CACNA1D: variants seen among roughly 807,000 people sequenced by gnomAD.
The protein encoded by CACNA1D is voltage-dependent L-type calcium channel subunit alpha-1D.
CACNA1D carries 55 observed loss-of-function variants against 257.1 expected under a neutral mutation model. That is an observed-to-expected ratio of 0.21 (90% CI 0.17 to 0.27). The LOEUF (loss-of-function observed/expected upper bound fraction) is 0.27. CACNA1D is among the 10% of genes least tolerant of loss of function. CACNA1D has a pLI of 1.00. For synonymous variants in CACNA1D, 980 were observed against 1,014.9 expected (o/e 0.97, Z 0.65); for missense variants, 1,876 against 2,784.0 (o/e 0.67, Z 7.34).
At chr3:53,658,192 CT>C (rs113734297) in intron 4 of CACNA1D, among the ~76,000 whole-genome samples, 158 of 145,466 alleles carry the variant, frequency 1.1e-3, no homozygotes, top group Middle Eastern at 3.5e-3. Context: ...GCCCGTGGCA[CT>C]TTTTTTTTTT....
chr3:53,626,153 T>A (rs1363042305), intron 3 of CACNA1D, among the ~76,000 whole-genome samples: 2 of 152,184 alleles, frequency 1.3e-5, no homozygotes, highest in African/African-American at 2.4e-5. Flanking sequence ...CAGAGGTGAT[T>A]CCGATTCTGG....
intron 39 of CACNA1D, among the ~76,000 whole-genome samples, chr3:53,783,968 GA>G (rs2095439604): frequency 6.6e-6 from 1 of 152,194 alleles, no homozygotes; most frequent in Non-Finnish European, 1.5e-5. Flanking sequence ...GGGTGCTCAG[GA>G]AGCCCCTTTT....
intron 3 of CACNA1D, among the ~76,000 whole-genome samples, chr3:53,632,821 A>G (rs1463664274): frequency 6.6e-6 from 1 of 152,260 alleles, no homozygotes; most frequent in Non-Finnish European, 1.5e-5. Flanking sequence ...TTTTGTTCAC[A>G]GTCTTCTATG....
chr3:53,558,826 G>T (rs1172457130), intron 3 of CACNA1D, among the ~76,000 whole-genome samples: 1 of 152,030 alleles, frequency 6.6e-6, no homozygotes, highest in Non-Finnish European at 1.5e-5. Context: ...ATTTGTTTAT[G>T]ATCTTTCTAG....
chr3:53,675,768 AT>A (rs2094369436), intron 8 of CACNA1D, among the ~76,000 whole-genome samples: 1 of 152,150 alleles, frequency 6.6e-6, no homozygotes, highest in South Asian at 2.1e-4. Context: ...TTTAAAAAAT[AT>A]TTTTTCATCA....
intron 3 of CACNA1D, among the ~76,000 whole-genome samples, chr3:53,505,196 C>T (rs1161756225): frequency 1.3e-5 from 2 of 149,966 alleles, no homozygotes; most frequent in Non-Finnish European, 3.0e-5. Flanking sequence ...GCAAGCTCCG[C>T]CTCTGGGGTT....
Position 53,495,027 on chromosome 3 carries a change from T to G in CACNA1D, c.-140T>G. 1 of 450,744 alleles carries G rather than the reference T, an allele frequency of 2.2e-6. No homozygotes were observed. Among genetic ancestry groups the G allele is most frequent in the Non-Finnish European group, 4.6e-6 (1 of 217,486 alleles). The allele number at this position is 450,744 out of a possible 1,614,324, so 27.9% of individuals were successfully genotyped here. ...ATTTTCTGTTATTTGTCCCCGTCCCTCCCCACCCCCCTGCTGAAGCGAGAA... is the reference window on the plus strand; with the variant it reads ...ATTTTCTGTTATTTGTCCCCGTCCCGCCCCACCCCCCTGCTGAAGCGAGAA... On this transcript the variant is annotated 5_prime_UTR_variant, in exon 1 of 48. Transcript: ENST00000350061. The surrounding 1 kb of genome is among the most constrained non-coding windows in gnomAD (Gnocchi z 5.1).
intron 3 of CACNA1D, among the ~76,000 whole-genome samples, chr3:53,616,801 T>C (rs1460416646): frequency 6.6e-6 from 1 of 152,114 alleles, no homozygotes; most frequent in African/African-American, 2.4e-5. Context: ...TTTTCTTTTT[T>C]TTTTTAAATG....
At chr3:53,558,334 C>G (rs1399366709) in intron 3 of CACNA1D, among the ~76,000 whole-genome samples, 1 of 152,016 alleles carries the variant, frequency 6.6e-6, no homozygotes, top group Admixed American at 6.6e-5. Context: ...GATGTGAATT[C>G]TTTTTTTGAA....
At chr3:53,638,812 C>A (rs552443788) in intron 3 of CACNA1D, among the ~76,000 whole-genome samples, 1 of 152,202 alleles carries the variant, frequency 6.6e-6, no homozygotes, top group Non-Finnish European at 1.5e-5. Flanking sequence ...CAGATACACT[C>A]CCAACAGCTG....
At chr3:53,575,752 T>C (rs1368374368) in intron 3 of CACNA1D, among the ~76,000 whole-genome samples, 1 of 152,204 alleles carries the variant, frequency 6.6e-6, no homozygotes, top group Non-Finnish European at 1.5e-5. Context: ...GTCGTGTCCG[T>C]TTAAAAAAAT....
intron 3 of CACNA1D, among the ~76,000 whole-genome samples, chr3:53,508,529 G>A (rs907610892): frequency 2.0e-5 from 3 of 152,102 alleles, no homozygotes; most frequent in African/African-American, 7.2e-5. Context: ...CTCTGTGTTC[G>A]TAAGTTCTTA....
At chr3:53,777,981 T>G (rs1294399941) in intron 37 of CACNA1D, among the ~76,000 whole-genome samples, 2 of 152,220 alleles carry the variant, frequency 1.3e-5, no homozygotes, top group African/African-American at 2.4e-5. Context: ...AAGGAGATCC[T>G]GGGGTCAGGC....
intron 3 of CACNA1D, among the ~76,000 whole-genome samples, chr3:53,510,655 C>G: frequency 6.6e-6 from 1 of 152,180 alleles, no homozygotes; most frequent in South Asian, 2.1e-4. Flanking sequence ...TTCACTAAGC[C>G]TGTACTCTTT....
rs2095474144 is a variant in CACNA1D, at chr3:53,789,713, G to A, written c.4923+2761G>A. On this transcript the variant is annotated intron_variant, in intron 40 of 47. Transcript: ENST00000350061. This position sits in a 1 kb window ranked among gnomAD's most constrained non-coding sequence, Gnocchi z 4.2. ...CGTCGCAGTGTGAGCGCAGAAGTGCGGACCTAGGCATGTGCGTGCTTGTGC... is the reference window on the plus strand; with the variant it reads ...CGTCGCAGTGTGAGCGCAGAAGTGCAGACCTAGGCATGTGCGTGCTTGTGC... Among the ~76,000 whole-genome samples the A allele has an allele frequency of 6.6e-6, 1 of 152,248 alleles. No individual in the cohort carries two copies. Among genetic ancestry groups the A allele is most frequent in the Non-Finnish European group, 1.5e-5 (1 of 68,034 alleles).
chr3:53,729,500 G>A (rs1227839197), intron 15 of CACNA1D, among the ~76,000 whole-genome samples: 2 of 152,122 alleles, frequency 1.3e-5, no homozygotes, highest in South Asian at 2.1e-4. Context: ...ACAGAAGGGG[G>A]CCTTCTCACT....
At chr3:53,748,822 C>T (rs992697843) in intron 26 of CACNA1D, among the ~76,000 whole-genome samples, 6 of 152,130 alleles carry the variant, frequency 3.9e-5, no homozygotes, top group Admixed American at 3.9e-4. Flanking sequence ...TCCCCCTCTT[C>T]CTGTTAAGAG....
chr3:53,566,525 T>C (rs529812251), intron 3 of CACNA1D, among the ~76,000 whole-genome samples: 8 of 152,260 alleles, frequency 5.3e-5, no homozygotes, highest in South Asian at 4.2e-4. Context: ...CTGACACATA[T>C]TCACTGTCTG....
At chr3:53,768,172 G>A (rs1270532902) in intron 30 of CACNA1D, among the ~76,000 whole-genome samples, 1 of 152,226 alleles carries the variant, frequency 6.6e-6, no homozygotes, top group Non-Finnish European at 1.5e-5. Context: ...GCAGAATAGG[G>A]AGAGGCCCGC....
Sources: allele counts gnomAD v4.1 joint callset (sites outside exome capture counted in the v4.1 genomes callset), GRCh38; gene constraint gnomAD v4.1.1; non-coding constraint Gnocchi (gnomAD v3.1); transcripts MANE v1.5; gene names NCBI Gene and HGNC (gene_info 2026-07-23, HGNC 2026-07-21).